CENPS: variants seen among roughly 807,000 people sequenced by gnomAD.
CENPS encodes centromere protein S.
Under a neutral mutation model 17.9 loss-of-function variants are expected in CENPS, and 16 were observed. The observed-to-expected ratio is 0.90, with a 90% CI of 0.61 to 1.36. CENPS has a LOEUF of 1.36. Ranked by LOEUF, CENPS falls within the 40% of genes most tolerant of loss-of-function variation. CENPS has a pLI of 0.00. For missense variants in CENPS, 160 were observed against 158.6 expected (o/e 1.01, Z -0.05); for synonymous variants, 49 against 55.8 (o/e 0.88, Z 0.54).
intron 3 of CENPS, among the ~76,000 whole-genome samples, chr1:10,435,142 G>T (rs1253318145): frequency 6.6e-6 from 1 of 152,142 alleles, no homozygotes; most frequent in Non-Finnish European, 1.5e-5. Flanking sequence ...TTCATTTGCC[G>T]CATTTGTTCC....
chr1:10,431,040 C>T, intron 1 of CENPS: 1 of 1,348,430 alleles, frequency 7.4e-7, no homozygotes, highest in East Asian at 3.1e-5. Flanking sequence ...AGAGCTCGTC[C>T]TTAGATGTGG....
chr1:10,438,507 A>G (rs765417711), intron 3 of CENPS, among the ~76,000 whole-genome samples: 4 of 152,208 alleles, frequency 2.6e-5, no homozygotes, highest in Non-Finnish European at 5.9e-5. Context: ...TTAACAATCA[A>G]ACATTTTGAA....
At chr1:10,438,459 CTTTA>C (rs1640270192) in intron 3 of CENPS, among the ~76,000 whole-genome samples, 1 of 152,094 alleles carries the variant, frequency 6.6e-6, no homozygotes, top group Non-Finnish European at 1.5e-5. Context: ...TTGTGAATTT[CTTTA>C]TTTAGCTTTG....
intron 3 of CENPS, chr1:10,440,142 C>A: frequency 1.6e-6 from 1 of 623,680 alleles, no homozygotes; most frequent in Non-Finnish European, 2.6e-6. Flanking sequence ...AGAGATGGGC[C>A]TCCGCATTCT....
intron 4 of CENPS, among the ~76,000 whole-genome samples, chr1:10,441,986 C>T (rs542362099): frequency 1.1e-4 from 16 of 152,120 alleles, no homozygotes; most frequent in African/African-American, 3.6e-4. Flanking sequence ...TGCCAATAAT[C>T]CCAGAACTTT....
chr1:10,433,954 TC>T lies in CENPS; in HGVS notation c.166del (p.Arg56AspfsTer27). The T allele has an allele frequency of 6.2e-7, 1 of 1,614,206 alleles. No homozygotes were observed. Among genetic ancestry groups the T allele is most frequent in the Non-Finnish European group, 8.5e-7 (1 of 1,180,026 alleles). On this transcript the variant is annotated frameshift_variant, in exon 2 of 5. Transcript: ENST00000309048. LOFTEE classifies it high-confidence loss of function. The stretch of plus-strand genomic sequence containing the variant: ...ATTGCGGCCATTTCGGAGCTGACTT[TC>T]CGACAGTGTGGTATGAAGCTTCGGC... The part of the protein sequence containing the change: ...QTIAAISELT[F>X]RQCENFAKDL...
Position 10,430,500 on chromosome 1 carries a change from C to G in CENPS, c.-18C>G, listed in dbSNP as rs914987060. The G allele has an allele frequency of 1.3e-6, 2 of 1,537,368 alleles. No homozygotes were observed. Among genetic ancestry groups the G allele is most frequent in the African/African-American group, 1.4e-5 (1 of 70,412 alleles). On this transcript the variant is annotated 5_prime_UTR_variant, in exon 1 of 5. Coordinates refer to ENST00000309048, the MANE Select transcript of CENPS (RefSeq NM_199294.3). ...CCTTCTCGGCCCTCCTGCGTTTGCC[C>G]AGGGTCGGCCCGCAGTGATGGAGGA...
In CENPS at chr1:10,434,694, G is replaced by A; in HGVS notation, c.209+4G>A. On this transcript the variant is annotated splice_donor_region_variant and intron_variant, in intron 3 of 4. Coordinates refer to ENST00000309048, the MANE Select transcript of CENPS (RefSeq NM_199294.3). Reference sequence around the variant, plus strand: ...AAGACCTTGAAATGTTTGCAAGGTGGGTAGAGAACTTGATTATCCGACACT... The same window carrying A: ...AAGACCTTGAAATGTTTGCAAGGTGAGTAGAGAACTTGATTATCCGACACT... The A allele has an allele frequency of 6.2e-7, 1 of 1,604,368 alleles. No homozygotes were observed. The highest frequency in any genetic ancestry group is 8.5e-7 in the Non-Finnish European group (1 of 1,177,310).
rs534806450 is a variant in CENPS at position 10,434,034 on chromosome 1, G to A, written c.175+69G>A. The A allele has an allele frequency of 8.0e-5, 129 of 1,603,060 alleles. No individual in the cohort carries two copies. The African/African-American group carries it at 1.3e-3, about 16-fold the overall frequency. ...GGTTGATTTCACCTGGGAGCAGTGCGTGGGTGGGAGCTGTGGCGAGTCTGA... is the reference window on the plus strand; with the variant it reads ...GGTTGATTTCACCTGGGAGCAGTGCATGGGTGGGAGCTGTGGCGAGTCTGA... On this transcript the variant is annotated intron_variant, in intron 2 of 4. Transcript: ENST00000309048.
intron 2 of CENPS, among the ~76,000 whole-genome samples, 186 bp downstream of exon 2, chr1:10,434,151 T>A (rs1289839840): frequency 6.6e-6 from 1 of 152,244 alleles, no homozygotes; most frequent in Non-Finnish European, 1.5e-5. Context: ...TGGGAAGAAC[T>A]ATTTTTTTCC....
chr1:10,438,250 T>C (rs1244237984), intron 3 of CENPS, among the ~76,000 whole-genome samples: 3 of 152,172 alleles, frequency 2.0e-5, no homozygotes, highest in Admixed American at 6.5e-5. Context: ...GTTCAAGCGA[T>C]TCGCCTTTCT....
chr1:10,433,968 A>G lies in CENPS; in HGVS notation c.175+3A>G. 6.2e-7 allele frequency: 1 copy of G among 1,614,150 alleles called. No homozygotes were observed. The highest frequency in any genetic ancestry group is 8.5e-7 in the Non-Finnish European group (1 of 1,179,996). On this transcript the variant is annotated splice_donor_region_variant and intron_variant, in intron 2 of 4. Transcript: ENST00000309048. The stretch of plus-strand genomic sequence containing the variant: ...GGAGCTGACTTTCCGACAGTGTGGT[A>G]TGAAGCTTCGGCCTCCCCAGCCATG...
chr1:10,438,328 A>G (rs1015043437), intron 3 of CENPS, among the ~76,000 whole-genome samples: 2 of 152,066 alleles, frequency 1.3e-5, no homozygotes, highest in Non-Finnish European at 2.9e-5. Flanking sequence ...TCGTTGTAGT[A>G]GAGACAGGGT....
intron 3 of CENPS, among the ~76,000 whole-genome samples, chr1:10,436,781 A>G (rs1388243336): frequency 1.3e-5 from 2 of 151,940 alleles, no homozygotes; most frequent in Non-Finnish European, 2.9e-5. Flanking sequence ...GAGTGAGTGC[A>G]GAGTCCAGTG....
intron 3 of CENPS, among the ~76,000 whole-genome samples, chr1:10,438,994 C>G (rs1640296621): frequency 6.6e-6 from 1 of 152,110 alleles, no homozygotes; most frequent in Admixed American, 6.6e-5. Context: ...TCACCTCTGT[C>G]TTTTTTCTCC....
At chr1:10,431,440 CTAGT>C in intron 1 of CENPS, 1 of 1,532,756 alleles carries the variant, frequency 6.5e-7, no homozygotes, top group Non-Finnish European at 8.7e-7. Context: ...TGATTCACCA[CTAGT>C]TAGCATTTTG....
chr1:10,437,107 A>G (rs144941741), intron 3 of CENPS, among the ~76,000 whole-genome samples: 1,851 of 152,234 alleles, frequency 0.012, 36 homozygotes, highest in African/African-American at 0.042. Context: ...TGGGAACCTA[A>G]TGAGTATTCG....
At position 10,440,370 on chromosome 1, in the gene CENPS, AC is replaced by A. The variant is rs1164936967; in HGVS notation, c.234del (p.Asn78LysfsTer5). The A allele has an allele frequency of 6.2e-7, 1 of 1,614,028 alleles. No individual in the cohort carries two copies. The highest frequency in any genetic ancestry group is 1.1e-5 in the South Asian group (1 of 91,024). ...FARHAKRTTINTEDVKLLARR... is the reference protein window; with the variant it reads ...FARHAKRTTIXTEDVKLLARR... ...AGACATGCGAAAAGAACCACAATTA[AC>A]ACTGAAGATGTGAAGCTCTTAGCCA... On this transcript the variant is annotated frameshift_variant, in exon 4 of 5. Transcript: ENST00000309048. LOFTEE classifies it low-confidence loss of function (END_TRUNC).
At chr1:10,433,714 C>G in intron 1 of CENPS, 128 bp from the exon 2 acceptor site, 1 of 1,502,858 alleles carries the variant, frequency 6.7e-7, no homozygotes, top group East Asian at 2.3e-5. Context: ...TGAAAAGCCA[C>G]TCAGCCATTA....
Sources: allele counts gnomAD v4.1 joint callset (sites outside exome capture counted in the v4.1 genomes callset), GRCh38; gene constraint gnomAD v4.1.1; transcripts MANE v1.5; gene names NCBI Gene and HGNC (gene_info 2026-07-23, HGNC 2026-07-21).